ABLIM2: variants seen among roughly 807,000 people sequenced by gnomAD.
The protein encoded by ABLIM2 is actin-binding LIM protein 2.
Under a neutral mutation model 97.7 loss-of-function variants are expected in ABLIM2, and 53 were observed. The ratio of observed to expected loss-of-function variants is 0.54; its 90% CI spans 0.44 to 0.68. The LOEUF (loss-of-function observed/expected upper bound fraction) is 0.68, where lower values mean the gene tolerates loss of function less well. Ranked by LOEUF, ABLIM2 falls within the 30% of genes least tolerant of loss-of-function variation. The pLI, the probability that ABLIM2 is intolerant of heterozygous loss-of-function variation, is 0.00. For synonymous variants in ABLIM2, 361 were observed against 345.8 expected, an observed-to-expected ratio of 1.04 and a Z score of -0.49; for missense variants, 835 against 867.2, an observed-to-expected ratio of 0.96 and a Z score of 0.47.
In ABLIM2 at chr4:7,968,363, G is replaced by C. The variant is rs554265866; in HGVS notation, c.1825-1260C>G. On this transcript the variant is annotated intron_variant, in intron 20 of 20. Coordinates refer to ENST00000447017, the MANE Select transcript of ABLIM2 (RefSeq NM_001130083.2). ...CGGAGGAATGGAAAACAGGGACTCA[G>C]AGAGATGATGGTCGCCCATGTTCCT... 9.4e-4 allele frequency among the ~76,000 whole-genome samples: 143 copies of C among 152,048 alleles called. 1 individual carries two copies. The highest frequency in any genetic ancestry group is 3.4e-3 in the African/African-American group (142 of 41,268).
chr4:8,064,438 C>A (rs899861120), intron 6 of ABLIM2, among the ~76,000 whole-genome samples: 5 of 152,166 alleles, frequency 3.3e-5, no homozygotes, highest in African/African-American at 1.2e-4. Flanking sequence ...TCTGAGCCAG[C>A]CAGCATGCTC....
chr4:7,978,293 G>A (rs1191749828), intron 20 of ABLIM2, among the ~76,000 whole-genome samples: 1 of 152,184 alleles, frequency 6.6e-6, no homozygotes, highest in Non-Finnish European at 1.5e-5. Flanking sequence ...GCTTGGCTGA[G>A]CCTGAGGAGG....
At chr4:8,042,461 T>C (rs998168561) in intron 9 of ABLIM2, among the ~76,000 whole-genome samples, 1 of 152,150 alleles carries the variant, frequency 6.6e-6, no homozygotes, top group African/African-American at 2.4e-5. Flanking sequence ...GGCCCTGCTG[T>C]TTCCCCACTC....
intron 17 of ABLIM2, among the ~76,000 whole-genome samples, chr4:7,987,258 A>G (rs1458634300): frequency 6.6e-6 from 1 of 151,322 alleles, no homozygotes; most frequent in Non-Finnish European, 1.5e-5. Context: ...GATTACAGGT[A>G]TGAGCCACTG....
In ABLIM2 at chr4:8,054,217, G is replaced by C. The variant is rs747180283; in HGVS notation, c.793C>G (p.Gln265Glu). 3.7e-6 allele frequency: 6 copies of C among 1,613,942 alleles called. No individual in the cohort carries two copies. The highest frequency in any genetic ancestry group is 5.1e-6 in the Non-Finnish European group (6 of 1,179,918). Reference sequence around the variant, plus strand: ...TTTCTGTCTTCAGTTCTGGCTGCTTGTCGACACGCCGGATGCCAGATGGAG... The same window carrying C: ...TTTCTGTCTTCAGTTCTGGCTGCTTCTCGACACGCCGGATGCCAGATGGAG... ...GSSIWHPACR[Q>E]AARTEDRNKE... Residue 265 changes from glutamine to glutamate, a missense_variant, in exon 8 of 21, where the codon CAA (glutamine) becomes GAA (glutamate). Transcript: ENST00000447017. This position sits in a 1 kb window ranked among gnomAD's most constrained non-coding sequence, Gnocchi z 4.9.
At position 8,130,922 on chromosome 4, in the gene ABLIM2, G is replaced by A. The variant is rs1479613939; in HGVS notation, c.11-24285C>T. On this transcript the variant is annotated intron_variant, in intron 1 of 20. Coordinates refer to ENST00000447017, the MANE Select transcript of ABLIM2 (RefSeq NM_001130083.2). This position sits in a 1 kb window ranked among gnomAD's most constrained non-coding sequence, Gnocchi z 4.2. ...ACTTGTGGACGGCAAGGTGGCCCCA[G>A]GGCTGAGCTCCCCCAAAGGCTCTAG... Among the ~76,000 whole-genome samples the A allele has an allele frequency of 6.6e-6, 1 of 151,968 alleles. No homozygotes were observed. Among genetic ancestry groups the A allele is most frequent in the Admixed American group, 6.6e-5 (1 of 15,262 alleles).
rs1002707782 is a variant in ABLIM2, at chr4:7,973,183, G to A, written c.1825-6080C>T. ...GTGCATGTGCAAAGGCCCTGGGGCA[G>A]GAGGAGCCTTGGCTGCTGGAGGAAG... On this transcript the variant is annotated intron_variant, in intron 20 of 20. Coordinates refer to ENST00000447017, the MANE Select transcript of ABLIM2 (RefSeq NM_001130083.2). Among the ~76,000 whole-genome samples, 5 of 151,606 alleles carry A rather than the reference G, an allele frequency of 3.3e-5. No individual in the cohort carries two copies. In the East Asian group the frequency reaches 9.7e-4, roughly 29 times the overall value.
chr4:7,980,941 ATT>A (rs1167615555), intron 20 of ABLIM2, among the ~76,000 whole-genome samples: 7 of 82,978 alleles, frequency 8.4e-5, no homozygotes, highest in East Asian at 5.6e-4. Flanking sequence ...ACAACCCCTT[ATT>A]TTTTTTTTTT....
intron 6 of ABLIM2, among the ~76,000 whole-genome samples, chr4:8,073,252 G>C (rs1443741140): frequency 4.6e-5 from 7 of 151,456 alleles, no homozygotes; most frequent in African/African-American, 9.7e-5. Flanking sequence ...GGGCAAGGGA[G>C]AGAGTCAGGA....
chr4:8,122,615 C>T lies in ABLIM2; in HGVS notation c.11-15978G>A, dbSNP rs969395843. On this transcript the variant is annotated intron_variant, in intron 1 of 20. Coordinates refer to ENST00000447017, the MANE Select transcript of ABLIM2 (RefSeq NM_001130083.2). The surrounding 1 kb of genome is among the most constrained non-coding windows in gnomAD (Gnocchi z 4.1). ...TCCCCAAGGCCCCTCCTCCAAATAG[C>T]GTCACCCTGGGGGTTTGGGCTTCCA... 2.6e-5 allele frequency among the ~76,000 whole-genome samples: 4 copies of T among 152,302 alleles called. No individual in the cohort carries two copies. The highest frequency in any genetic ancestry group is 7.2e-5 in the African/African-American group (3 of 41,574).
intron 13 of ABLIM2, 72 bp downstream of exon 13, chr4:8,020,130 G>A (rs956950890): frequency 2.1e-6 from 3 of 1,419,822 alleles, no homozygotes; most frequent in Admixed American, 2.0e-5. Context: ...CAAGCTGACA[G>A]TTTGGGTGTG....
intron 3 of ABLIM2, among the ~76,000 whole-genome samples, chr4:8,091,813 T>TATATATA (rs1229063358): frequency 1.4e-5 from 1 of 68,992 alleles, no homozygotes; most frequent in Non-Finnish European, 2.8e-5. Flanking sequence ...TATTATATAT[T>TATATATA]ATATAATATA....
At chr4:8,007,027 T>C (rs1761903272) in intron 16 of ABLIM2, 2 of 985,336 alleles carry the variant, frequency 2.0e-6, no homozygotes, top group South Asian at 9.4e-5. Flanking sequence ...AACACACCTT[T>C]CTTTGTTTAA....
At position 8,046,588 on chromosome 4, in the gene ABLIM2, G is replaced by A. The variant is rs1401778339; in HGVS notation, c.823-1347C>T. 6.6e-6 allele frequency among the ~76,000 whole-genome samples: 1 copy of A among 152,030 alleles called. No homozygotes were observed. The highest frequency in any genetic ancestry group is 1.5e-5 in the Non-Finnish European group (1 of 68,024). ...GCAGCTCCCTCCTCTCATTTTCTGA[G>A]TAGACCCTTTTCTTGCCACCCCCAA... On this transcript the variant is annotated intron_variant, in intron 8 of 20. Coordinates refer to ENST00000447017, the MANE Select transcript of ABLIM2 (RefSeq NM_001130083.2). The surrounding 1 kb of genome is among the most constrained non-coding windows in gnomAD (Gnocchi z 4.4).
intron 8 of ABLIM2, among the ~76,000 whole-genome samples, chr4:8,052,067 C>G (rs1560978453): frequency 6.6e-6 from 1 of 152,196 alleles, no homozygotes; most frequent in Non-Finnish European, 1.5e-5. Flanking sequence ...GCCTATTAAA[C>G]TCTCCGCTCT....
chr4:8,069,877 T>A lies in ABLIM2; in HGVS notation c.675+7751A>T, dbSNP rs539162326. Among the ~76,000 whole-genome samples, 112 of 152,208 alleles carry A rather than the reference T, an allele frequency of 7.4e-4. 1 individual carries two copies. Among genetic ancestry groups the A allele is most frequent in the African/African-American group, 2.2e-3 (93 of 41,518 alleles). On this transcript the variant is annotated intron_variant, in intron 6 of 20. Transcript: ENST00000447017. This position sits in a 1 kb window ranked among gnomAD's most constrained non-coding sequence, Gnocchi z 4.2. ...TTTCTGTGTGTCTGCGTTGTCGATG[T>A]CTGTGTCCCTGTGTTTATGTTGGTT... is the stretch of plus-strand genomic sequence containing the variant.
Position 8,086,342 on chromosome 4 carries a change from C to T in ABLIM2, c.454+1827G>A, listed in dbSNP as rs188311462. ...TCTGTGGTTGGTCATATTTCCATCCCCTCCCACTTTTTTTTTTTTTTTTTT... is the reference window on the plus strand; with the variant it reads ...TCTGTGGTTGGTCATATTTCCATCCTCTCCCACTTTTTTTTTTTTTTTTTT... On this transcript the variant is annotated intron_variant, in intron 4 of 20. Coordinates refer to ENST00000447017, the MANE Select transcript of ABLIM2 (RefSeq NM_001130083.2). 4.2e-3 allele frequency among the ~76,000 whole-genome samples: 634 copies of T among 149,708 alleles called. 4 individuals are homozygous for T. Among genetic ancestry groups the T allele is most frequent in the African/African-American group, 0.015 (605 of 40,932 alleles).
chr4:8,107,883 G>A (rs1437880626), intron 1 of ABLIM2, among the ~76,000 whole-genome samples: 4 of 152,184 alleles, frequency 2.6e-5, no homozygotes, highest in Admixed American at 2.0e-4. Flanking sequence ...AGAGGGAGGC[G>A]TGACTGTGGA....
rs531738761 is a variant in ABLIM2 at position 8,096,978 on chromosome 4, C to T, written c.338+121G>A. The T allele has an allele frequency of 4.7e-4, 594 of 1,258,870 alleles. 3 individuals are homozygous for T. Among genetic ancestry groups the T allele is most frequent in the South Asian group, 4.6e-3 (296 of 64,322 alleles). 78.0% of individuals were successfully genotyped at this position (1,258,870 alleles called of 1,614,324 possible). ...CAGACTGTGGGGCCTGGAACAGCCT[C>T]GCTGCAGGATGCAGAGGGCGGGTCA... On this transcript the variant is annotated intron_variant, in intron 3 of 20. Coordinates refer to ENST00000447017, the MANE Select transcript of ABLIM2 (RefSeq NM_001130083.2).
Sources: allele counts gnomAD v4.1 joint callset (sites outside exome capture counted in the v4.1 genomes callset), GRCh38; gene constraint gnomAD v4.1.1; non-coding constraint Gnocchi (gnomAD v3.1); transcripts MANE v1.5; gene names NCBI Gene and HGNC (gene_info 2026-07-23, HGNC 2026-07-21).